The following ADAM17 variants were observed in gnomAD, a reference collection of about 807,000 sequenced individuals.
The protein encoded by ADAM17 is disintegrin and metalloproteinase domain-containing protein 17.
ADAM17 carries 39 observed loss-of-function variants against 96.7 expected under a neutral mutation model. The ratio of observed to expected loss-of-function variants is 0.40; its 90% confidence interval spans 0.31 to 0.53. The LOEUF (loss-of-function observed/expected upper bound fraction) is 0.53, where lower values mean the gene tolerates loss of function less well. Ranked by LOEUF, ADAM17 falls within the 20% of genes least tolerant of loss-of-function variation. The pLI is 0.44. For synonymous variants in ADAM17, 344 were observed against 359.2 expected, an observed-to-expected ratio of 0.96 and a Z score of 0.48; for missense variants, 777 against 1,013.2, an observed-to-expected ratio of 0.77 and a Z score of 3.17.
chr2:9,523,316 T>C lies in ADAM17; in HGVS notation c.776A>G (p.Asp259Gly). 3 of 1,612,618 alleles carry C rather than the reference T, an allele frequency of 1.9e-6. No individual in the cohort carries two copies. Among genetic ancestry groups the C allele is most frequent in the Non-Finnish European group, 2.5e-6 (3 of 1,179,132 alleles). ...NYLIELIDRV[D>G]DIYRNTSWDN... The stretch of plus-strand genomic sequence containing the variant: ...CCATGAAGTGTTCCGATAGATGTCA[T>C]CAACTCTGTCAATTAGCTCTATCTG... The change falls in exon 7 of 19, where the codon GAT (aspartate) becomes GGT (glycine). Residue 259 changes from aspartate (D) to glycine (G), a missense_variant. Asp to Gly is a moderately conservative substitution (Grantham distance 94). This residue lies in a region of ADAM17 where 446 missense variants were observed against 664.7 expected (regional missense o/e 0.67). Transcript: ENST00000310823.
intron 15 of ADAM17, among the ~76,000 whole-genome samples, chr2:9,494,150 C>G (rs890479961): frequency 5.3e-5 from 8 of 152,154 alleles, no homozygotes; most frequent in Non-Finnish European, 1.0e-4. Flanking sequence ...CAGCCAGACT[C>G]CCTGTGAAGC....
Position 9,509,853 on chromosome 2 carries a change from C to T in ADAM17, c.1344+126G>A, listed in dbSNP as rs965107755. The T allele has an allele frequency of 2.0e-5, 25 of 1,245,928 alleles. No individual in the cohort carries two copies. In the East Asian group the frequency reaches 3.1e-4, roughly 15 times the overall value. The allele number at this position is 1,245,928 out of a possible 1,614,324, so 77.2% of individuals were successfully genotyped here. ...AAACACACAACCACGTTTCAAGGTA[C>T]TTTGTAATTTGCACATCCATCCCTA... On this transcript the variant is annotated intron_variant, in intron 11 of 18. Transcript: ENST00000310823.
chr2:9,526,834 A>G (rs2125026576), intron 5 of ADAM17, among the ~76,000 whole-genome samples: 1 of 152,282 alleles, frequency 6.6e-6, no homozygotes, highest in South Asian at 2.1e-4. Context: ...CAACAGAGTA[A>G]AACAGTCACC....
At chr2:9,523,115 A>G (rs1013887697) in intron 7 of ADAM17, 134 bp downstream of exon 7, 2 of 635,598 alleles carry the variant, frequency 3.1e-6, no homozygotes, top group African/African-American at 3.7e-5. Context: ...ACAATTCATC[A>G]TAAAAAATCA....
rs938029889 is a variant in ADAM17, at chr2:9,548,493, A to G, written c.98-5208T>C. Among the ~76,000 whole-genome samples the G allele has an allele frequency of 6.0e-4, 92 of 152,204 alleles. 2 individuals carry two copies. The highest frequency in any genetic ancestry group is 2.0e-3 in the African/African-American group (82 of 41,548). On this transcript the variant is annotated intron_variant, in intron 1 of 18. Coordinates refer to ENST00000310823, the MANE Select transcript of ADAM17 (RefSeq NM_003183.6). ...TGGCTCACTGTGATTAAAAAAAAAA[A>G]AAAGAAAACAAAACAAGAGAGGGGC...
chr2:9,523,494 C>T, intron 6 of ADAM17, 156 bp from the exon 7 acceptor site: 1 of 599,840 alleles, frequency 1.7e-6, no homozygotes. Context: ...GTTACTGTAT[C>T]AGAGTATTCC....
intron 10 of ADAM17, 92 bp downstream of exon 10, chr2:9,517,809 A>T: frequency 2.5e-6 from 2 of 793,660 alleles, no homozygotes; most frequent in Non-Finnish European, 3.6e-6. Flanking sequence ...AGTATATATT[A>T]CATTTTTTAA....
At chr2:9,531,784 G>T (rs936041606) in intron 4 of ADAM17, among the ~76,000 whole-genome samples, 4 of 151,630 alleles carry the variant, frequency 2.6e-5, no homozygotes, top group African/African-American at 9.7e-5. Flanking sequence ...AGTAAGCTAT[G>T]GTAAAGTCAG....
At chr2:9,531,619 T>TTGAACCTGGGAGGCGG (rs1280127614) in intron 4 of ADAM17, among the ~76,000 whole-genome samples, 5 of 152,118 alleles carry the variant, frequency 3.3e-5, no homozygotes, top group African/African-American at 1.2e-4. Context: ...GGAGAAATGC[T>TTGAACCTGGGAGGCGG]TGAACCTGGG....
At chr2:9,503,345 T>C in intron 12 of ADAM17, among the ~76,000 whole-genome samples, 1 of 152,178 alleles carries the variant, frequency 6.6e-6, no homozygotes, top group South Asian at 2.1e-4. Context: ...TCTATCAGTG[T>C]ATATAAAAAA....
intron 11 of ADAM17, among the ~76,000 whole-genome samples, chr2:9,507,835 C>T (rs1663507311): frequency 1.3e-5 from 2 of 152,166 alleles, no homozygotes; most frequent in African/African-American, 2.4e-5. Flanking sequence ...ACCTTAGCCT[C>T]CTGAGTAGCT....
intron 1 of ADAM17, among the ~76,000 whole-genome samples, chr2:9,547,247 T>TC (rs1665431030): frequency 6.6e-6 from 1 of 152,292 alleles, no homozygotes; most frequent in African/African-American, 2.4e-5. Context: ...TCCACCAGAC[T>TC]CCATTTACTT....
intron 2 of ADAM17, among the ~76,000 whole-genome samples, chr2:9,538,575 ATT>A (rs1360600791): frequency 6.6e-6 from 1 of 152,166 alleles, no homozygotes; most frequent in Non-Finnish European, 1.5e-5. Context: ...ATGTCTTATT[ATT>A]TTGTTTTAAA....
intron 11 of ADAM17, 105 bp from the exon 12 acceptor site, chr2:9,505,470 C>T (rs1203193302): frequency 4.2e-6 from 5 of 1,184,784 alleles, no homozygotes; most frequent in Non-Finnish European, 6.1e-6. Flanking sequence ...GTAAAACCAC[C>T]ATCAGAGCCA....
Position 9,489,725 on chromosome 2 carries a change from C to CAAAAAAAAAAAA in ADAM17, c.*440_*451dup, listed in dbSNP as rs548548539. 2.6e-5 allele frequency: 2 copies of CAAAAAAAAAAAA among 78,332 alleles called. No homozygotes were observed. Among genetic ancestry groups the CAAAAAAAAAAAA allele is most frequent in the Non-Finnish European group, 4.7e-5 (2 of 42,686 alleles). The allele number at this position is 78,332 out of a possible 1,614,324, so 4.9% of individuals were successfully genotyped here. On this transcript the variant is annotated 3_prime_UTR_variant, in exon 19 of 19. Coordinates refer to ENST00000310823, the MANE Select transcript of ADAM17 (RefSeq NM_003183.6). ...TATCTCCTTTGTTTTTAGTTGAAGG[C>CAAAAAAAAAAAA]AAAAAAAAAAAAAAAAAAAAAAAAC...
chr2:9,496,675 C>G (rs1212702890), intron 14 of ADAM17: 1 of 157,124 alleles, frequency 6.4e-6, no homozygotes, highest in East Asian at 1.9e-4. Context: ...AAATCCTCAT[C>G]TAGTGGGGTT....
intron 1 of ADAM17, among the ~76,000 whole-genome samples, chr2:9,548,048 C>T (rs13431984): frequency 2.7e-5 from 4 of 149,308 alleles, no homozygotes; most frequent in Admixed American, 6.7e-5. Context: ...GCCTAGGCAA[C>T]GAGGCCAGAT....
At chr2:9,529,536 A>G (rs1664655782) in intron 4 of ADAM17, among the ~76,000 whole-genome samples, 1 of 152,190 alleles carries the variant, frequency 6.6e-6, no homozygotes, top group South Asian at 2.1e-4. Flanking sequence ...ACAAATCTAA[A>G]TAGACAGTAG....
intron 8 of ADAM17, among the ~76,000 whole-genome samples, chr2:9,519,947 T>G (rs1382486394): frequency 6.6e-6 from 1 of 152,250 alleles, no homozygotes; most frequent in Non-Finnish European, 1.5e-5. Context: ...CTCACAAGGA[T>G]GCTGTCTCAA....
Sources: gnomAD v4.1 joint callset for allele counts (sites outside exome capture counted in the v4.1 genomes callset) on GRCh38, gnomAD v4.1.1 for gene constraint, gnomAD v4.1.1 regional missense constraint, MANE v1.5 for transcripts, NCBI Gene and HGNC (gene_info 2026-07-23, HGNC 2026-07-21) for gene names.